The following ZC3H4 variants were observed in gnomAD, a reference collection of about 807,000 sequenced individuals.
The protein encoded by ZC3H4 is zinc finger CCCH-type containing 4.
Under a neutral mutation model 108.3 loss-of-function variants are expected in ZC3H4, and 13 were observed. The ratio of observed to expected loss-of-function variants is 0.12; its 90% CI spans 0.08 to 0.19. The LOEUF (loss-of-function observed/expected upper bound fraction) is 0.19, where lower values mean the gene tolerates loss of function less well. Among genes scored for constraint, ZC3H4 ranks in the 10% least tolerant of loss-of-function variants. The probability of loss-of-function intolerance (pLI) is 1.00; values close to 1 mark genes in which losing one functional copy is unlikely to be tolerated. For missense variants in ZC3H4, 1,734 were observed against 1,838.8 expected (o/e 0.94, Z 1.04); for synonymous variants, 917 against 749.6 (o/e 1.22, Z -3.65).
intron 11 of ZC3H4, among the ~76,000 whole-genome samples, chr19:47,073,199 G>A (rs1001581076): frequency 7.9e-5 from 12 of 152,066 alleles, no homozygotes; most frequent in African/African-American, 2.7e-4. Flanking sequence ...CTTGAACATG[G>A]GAGGCAGAAG....
chr19:47,086,272 G>T, intron 6 of ZC3H4, 112 bp downstream of exon 6: 1 of 1,262,890 alleles, frequency 7.9e-7, no homozygotes, highest in African/African-American at 1.5e-5. Context: ...CCTTCCTTCA[G>T]AAGGGCCGTA....
At position 47,072,554 on chromosome 19, in the gene ZC3H4, C is replaced by T. The variant is rs368945937; in HGVS notation, c.1600G>A (p.Gly534Ser). 30 of 1,524,352 alleles carry T rather than the reference C, an allele frequency of 2.0e-5. No homozygotes were observed. Among genetic ancestry groups the T allele is most frequent in the East Asian group, 4.8e-5 (2 of 41,460 alleles). The allele number at this position is 1,524,352 out of a possible 1,614,324, so 94.4% of individuals were successfully genotyped here. A position where few individuals can be genotyped will look rare whatever the true frequency, so the allele number is the denominator to read the frequency against. The change falls in exon 12 of 15, where the codon GGC (glycine) becomes AGC (serine). Residue 534 changes from glycine (G) to serine (S), a missense_variant. By Grantham distance (56) the Gly-to-Ser change is moderately conservative (BLOSUM62 0). Around this residue, in one of 9 missense-constraint regions of ZC3H4, gnomAD observed 75 missense variants for 85.8 expected, o/e 0.87. Coordinates refer to ENST00000253048, the MANE Select transcript of ZC3H4 (RefSeq NM_015168.2). The surrounding 1 kb of genome is among the most constrained non-coding windows in gnomAD (Gnocchi z 5.6). ...PGPQAPTSPN[G>S]RPMQGGPPPP... ...GGGGGGCCACCCTGCATGGGCCTGCCGTTGGGAGAGGTTGGAGCCTGCGGG... is the reference window on the plus strand; with the variant it reads ...GGGGGGCCACCCTGCATGGGCCTGCTGTTGGGAGAGGTTGGAGCCTGCGGG...
At position 47,067,470 on chromosome 19, in the gene ZC3H4, C is replaced by A; in HGVS notation, c.2798G>T (p.Arg933Leu). 6.3e-7 allele frequency: 1 copy of A among 1,581,666 alleles called. No homozygotes were observed. The highest frequency in any genetic ancestry group is 8.6e-7 in the Non-Finnish European group (1 of 1,162,598). Residue 933 changes from arginine to leucine, a missense_variant, in exon 15 of 15, where the codon CGG (arginine) becomes CTG (leucine). Arg to Leu is a moderately radical substitution (Grantham distance 102). Transcript: ENST00000253048. The surrounding 1 kb of genome is among the most constrained non-coding windows in gnomAD (Gnocchi z 6.4). ...CAGGGGAATGTTCACGGCCTTCTCCCGCAGGGCCCGCTCCCCTTCCTCCTC... is the reference window on the plus strand; with the variant it reads ...CAGGGGAATGTTCACGGCCTTCTCCAGCAGGGCCCGCTCCCCTTCCTCCTC... ...TEEEEGERAL[R>L]EKAVNIPLDP...
rs745807049 is a variant in ZC3H4, at chr19:47,072,481, G to A, written c.1673C>T (p.Pro558Leu). 6.5e-6 allele frequency: 10 copies of A among 1,527,556 alleles called. No individual in the cohort carries two copies. In the South Asian group the frequency reaches 9.4e-5, roughly 14 times the overall value. The allele number at this position is 1,527,556 out of a possible 1,614,324, so 94.6% of individuals were successfully genotyped here. ...GGACAGTGGCTCATGCACCGGCATG[G>A]GCATCTGAGGGGGCCCGGGCGGTGG... ...PPPPPGPPQM[P>L]MPVHEPLSPQ... The change falls in exon 12 of 15, where the codon CCC (proline) becomes CTC (leucine). Residue 558 changes from proline (P) to leucine (L), a missense_variant. Coordinates refer to ENST00000253048, the MANE Select transcript of ZC3H4 (RefSeq NM_015168.2). The surrounding 1 kb of genome is among the most constrained non-coding windows in gnomAD (Gnocchi z 5.6).
At chr19:47,069,743 G>C (rs1205793262) in intron 13 of ZC3H4, among the ~76,000 whole-genome samples, 1 of 152,148 alleles carries the variant, frequency 6.6e-6, no homozygotes, top group Non-Finnish European at 1.5e-5. Flanking sequence ...GAGTTGCACG[G>C]TTTCTTTCTA....
chr19:47,070,345 C>T (rs1415715580), intron 13 of ZC3H4, among the ~76,000 whole-genome samples: 1 of 152,200 alleles, frequency 6.6e-6, no homozygotes, highest in African/African-American at 2.4e-5. Context: ...CTCTATGACA[C>T]ATCCCAGCGC....
intron 2 of ZC3H4, among the ~76,000 whole-genome samples, chr19:47,102,632 AC>A (rs1434178838): frequency 6.6e-6 from 1 of 152,104 alleles, no homozygotes; most frequent in Non-Finnish European, 1.5e-5. Context: ...TAGGAGTAAA[AC>A]CTACCCAAAC....
At chr19:47,076,801 TG>T (rs1227324819) in intron 11 of ZC3H4, among the ~76,000 whole-genome samples, 1 of 152,094 alleles carries the variant, frequency 6.6e-6, no homozygotes, top group Non-Finnish European at 1.5e-5. Flanking sequence ...GAGACCAGCC[TG>T]ATCAACATGG....
Position 47,112,440 on chromosome 19 carries a change from G to C in ZC3H4, c.145C>G (p.Pro49Ala). The change falls in exon 2 of 15, where the codon CCG (proline) becomes GCG (alanine). Residue 49 changes from proline (P) to alanine (A), a missense_variant. Coordinates refer to ENST00000253048, the MANE Select transcript of ZC3H4 (RefSeq NM_015168.2). The stretch of plus-strand genomic sequence containing the variant: ...GGGCCTGACCTGTCGTCAGGGAGCG[G>C]GAGGCGGTGGTGGAGGAGGTGCGGG... Reference protein sequence around the residue: ...ATPHLLHHRLPLPDDREDGEL... With the variant: ...ATPHLLHHRLALPDDREDGEL... The C allele has an allele frequency of 1.6e-6, 2 of 1,237,054 alleles. No homozygotes were observed. The allele number at this position is 1,237,054 out of a possible 1,614,324, so 76.6% of individuals were successfully genotyped here.
intron 13 of ZC3H4, among the ~76,000 whole-genome samples, chr19:47,069,860 G>A (rs539010251): frequency 5.4e-4 from 82 of 152,278 alleles, no homozygotes; most frequent in African/African-American, 1.9e-3. Context: ...CTGGCCACAG[G>A]TCAACAGCAG....
chr19:47,105,068 T>A (rs1393701700), intron 2 of ZC3H4, among the ~76,000 whole-genome samples: 1 of 152,134 alleles, frequency 6.6e-6, no homozygotes, highest in Non-Finnish European at 1.5e-5. Flanking sequence ...GGAGCCACAG[T>A]GGACTGAGGA....
At chr19:47,071,234 C>A (rs1599976752) in intron 13 of ZC3H4, among the ~76,000 whole-genome samples, 1 of 152,238 alleles carries the variant, frequency 6.6e-6, no homozygotes, top group East Asian at 1.9e-4. Flanking sequence ...GTGGTGGCCT[C>A]TCGTGCCTGG....
In ZC3H4 at chr19:47,112,061, C is replaced by A. The variant is rs577790036; in HGVS notation, c.161+363G>T. 9.0e-3 allele frequency: 8,617 copies of A among 954,904 alleles called. 53 individuals are homozygous for A. Among genetic ancestry groups the A allele is most frequent in the Non-Finnish European group, 0.01 (8,059 of 797,688 alleles). The allele number at this position is 954,904 out of a possible 1,614,324, so 59.2% of individuals were successfully genotyped here. ...CTCCGGGCGCAGGGGCAGCCAGGAC[C>A]CCCGTGGGTCTCCGCAGCACCCCCC... On this transcript the variant is annotated intron_variant, in intron 2 of 14. Coordinates refer to ENST00000253048, the MANE Select transcript of ZC3H4 (RefSeq NM_015168.2).
intron 2 of ZC3H4, among the ~76,000 whole-genome samples, chr19:47,109,182 C>CAA (rs2058005089): frequency 6.6e-6 from 1 of 151,956 alleles, no homozygotes; most frequent in African/African-American, 2.4e-5. Flanking sequence ...TGTGACATTT[C>CAA]AAAAACAGAT....
At chr19:47,091,191 G>A (rs960167724) in intron 4 of ZC3H4, among the ~76,000 whole-genome samples, 4 of 152,164 alleles carry the variant, frequency 2.6e-5, no homozygotes, top group Admixed American at 2.6e-4. Context: ...AGAATTGCTT[G>A]AACCCGCGAG....
At position 47,066,961 on chromosome 19, in the gene ZC3H4, G is replaced by A. The variant is rs757124661; in HGVS notation, c.3307C>T (p.Pro1103Ser). 78 of 1,593,364 alleles carry A rather than the reference G, an allele frequency of 4.9e-5. No individual in the cohort carries two copies. In the Admixed American group the frequency reaches 1.3e-3, roughly 27 times the overall value. ...RAAKPGPAEA[P>S]SPTASPSGDA... ...CCACTCGGGCTGGCGGTGGGAGAGG[G>A]CGCCTCAGCAGGGCCGGGCTTGGCA... Residue 1103 changes from proline (P) to serine (S), a missense_variant, in exon 15 of 15, where the codon CCC becomes TCC. By Grantham distance (74) the Pro-to-Ser change is moderately conservative. This residue lies in a region of ZC3H4 where 518 missense variants were observed against 499.6 expected (regional missense o/e 1.04). Coordinates refer to ENST00000253048, the MANE Select transcript of ZC3H4 (RefSeq NM_015168.2).
intron 11 of ZC3H4, among the ~76,000 whole-genome samples, chr19:47,078,146 C>T (rs1399682369): frequency 6.6e-6 from 1 of 152,072 alleles, no homozygotes; most frequent in East Asian, 1.9e-4. Context: ...ACAAAAAGCC[C>T]CCCTAAACTA....
chr19:47,067,661 T>C lies in ZC3H4; in HGVS notation c.2607A>G (p.Arg869=). The change falls in exon 15 of 15, where the codon AGA becomes AGG. Residue 869 remains arginine, a synonymous_variant. Transcript: ENST00000253048. This position sits in a 1 kb window ranked among gnomAD's most constrained non-coding sequence, Gnocchi z 6.4. ...CAGAAGCCTCCACATGGCGGGTGAGTCTGGGGTCCCGGCTGAGGCGAGGGT... is the reference window on the plus strand; with the variant it reads ...CAGAAGCCTCCACATGGCGGGTGAGCCTGGGGTCCCGGCTGAGGCGAGGGT... ...LADPRLSRDP[R]LTRHVEASGG... is the part of the protein sequence containing the mutation. 2 of 1,601,386 alleles carry C rather than the reference T, an allele frequency of 1.2e-6. No homozygotes were observed. Among genetic ancestry groups the C allele is most frequent in the Non-Finnish European group, 8.5e-7 (1 of 1,176,184 alleles).
In ZC3H4 at chr19:47,067,490, C is replaced by T. The variant is rs2057235373; in HGVS notation, c.2778G>A (p.Glu926=). The T allele has an allele frequency of 6.3e-7, 1 of 1,581,824 alleles. No individual in the cohort carries two copies. Among genetic ancestry groups the T allele is most frequent in the Non-Finnish European group, 8.6e-7 (1 of 1,162,538 alleles). The part of the protein sequence containing the change: ...KGSGPPPTEE[E]EGERALREKA... ...TCTCCCGCAGGGCCCGCTCCCCTTC[C>T]TCCTCCTCCGTTGGGGGCGGCCCAG... The change falls in exon 15 of 15, where the codon GAG becomes GAA. Residue 926 remains glutamate, a synonymous_variant. Transcript: ENST00000253048. The surrounding 1 kb of genome is among the most constrained non-coding windows in gnomAD (Gnocchi z 6.4).
Sources: gnomAD v4.1 joint callset for allele counts (sites outside exome capture counted in the v4.1 genomes callset) on GRCh38, gnomAD v4.1.1 for gene constraint, gnomAD v4.1.1 regional missense constraint, Gnocchi (gnomAD v3.1) non-coding constraint, MANE v1.5 for transcripts, NCBI Gene and HGNC (gene_info 2026-07-23, HGNC 2026-07-21) for gene names.